The following FOXO1 variants were observed in gnomAD, a reference collection of about 807,000 sequenced individuals.
FOXO1 encodes the protein forkhead box O1.
FOXO1 carries 6 observed loss-of-function variants against 44.1 expected under a neutral mutation model. That is an observed-to-expected ratio of 0.14 (90% CI 0.07 to 0.27). The LOEUF (loss-of-function observed/expected upper bound fraction) is 0.27. Among genes scored for constraint, FOXO1 ranks in the 10% least tolerant of loss-of-function variants. FOXO1 has a pLI of 1.00. For synonymous variants in FOXO1, 380 were observed against 362.7 expected, an observed-to-expected ratio of 1.05 and a Z score of -0.54; for missense variants, 737 against 888.8, an observed-to-expected ratio of 0.83 and a Z score of 2.17.
chr13:40,634,404 T>G (rs1411491943), intron 1 of FOXO1, among the ~76,000 whole-genome samples: 1 of 152,142 alleles, frequency 6.6e-6, no homozygotes, highest in African/African-American at 2.4e-5. Flanking sequence ...CCACATTCAA[T>G]AAACTAAACA....
chr13:40,576,010 G>A (rs988668231), intron 1 of FOXO1, among the ~76,000 whole-genome samples: 2 of 152,184 alleles, frequency 1.3e-5, no homozygotes, highest in African/African-American at 4.8e-5. Context: ...ACCCAGTTAC[G>A]GCCTGAGTGC....
At chr13:40,632,490 T>A (rs1023272577) in intron 1 of FOXO1, among the ~76,000 whole-genome samples, 7 of 151,138 alleles carry the variant, frequency 4.6e-5, no homozygotes, top group Admixed American at 4.6e-4. Context: ...ACACAAAAAT[T>A]AGCCAGGGGT....
intron 1 of FOXO1, among the ~76,000 whole-genome samples, chr13:40,628,424 G>A (rs187463552): frequency 1.9e-4 from 29 of 150,806 alleles, no homozygotes; most frequent in Non-Finnish European, 2.5e-4. Context: ...GGGCACTCTC[G>A]CAACTTGTCT....
chr13:40,631,741 T>C (rs1876968248), intron 1 of FOXO1, among the ~76,000 whole-genome samples: 1 of 152,188 alleles, frequency 6.6e-6, no homozygotes, highest in South Asian at 2.1e-4. Context: ...AGTAGAATGG[T>C]GGCTGTCAAA....
rs534873836 is a variant in FOXO1, at chr13:40,574,525, C to A, written c.631-13665G>T. On this transcript the variant is annotated intron_variant, in intron 1 of 2. Coordinates refer to ENST00000379561, the MANE Select transcript of FOXO1 (RefSeq NM_002015.4). ...TCTATAAACTCATGATATTCTAGAA[C>A]AAAATGCAAGGTTTTTATTAGAAAT... Among the ~76,000 whole-genome samples, 3 of 152,290 alleles carry A rather than the reference C, an allele frequency of 2.0e-5. No homozygotes were observed. The South Asian group carries it at 6.2e-4, about 32-fold the overall frequency.
At chr13:40,610,660 C>T (rs2137890242) in intron 1 of FOXO1, among the ~76,000 whole-genome samples, 1 of 152,240 alleles carries the variant, frequency 6.6e-6, no homozygotes, top group Admixed American at 6.5e-5. Context: ...TCTGCCTTAC[C>T]ATTTTTATTT....
At chr13:40,608,858 A>G (rs1264339270) in intron 1 of FOXO1, among the ~76,000 whole-genome samples, 13 of 152,140 alleles carry the variant, frequency 8.5e-5, no homozygotes. Context: ...ATTTGTCATG[A>G]TCATGGTTAA....
At chr13:40,567,608 T>C (rs1874319824) in intron 1 of FOXO1, among the ~76,000 whole-genome samples, 1 of 152,140 alleles carries the variant, frequency 6.6e-6, no homozygotes, top group African/African-American at 2.4e-5. Flanking sequence ...TGTGTGCACC[T>C]TGAGGGAGCA....
chr13:40,647,618 T>G (rs1210997702), intron 1 of FOXO1, among the ~76,000 whole-genome samples: 1 of 152,174 alleles, frequency 6.6e-6, no homozygotes, highest in Non-Finnish European at 1.5e-5. Context: ...TTGGTCAGGC[T>G]GCACTCCAAC....
At chr13:40,599,822 C>T (rs1875751867) in intron 1 of FOXO1, among the ~76,000 whole-genome samples, 1 of 152,106 alleles carries the variant, frequency 6.6e-6, no homozygotes, top group African/African-American at 2.4e-5. Context: ...AGATTTTATC[C>T]TCAAAGTAGC....
chr13:40,663,752 G>A (rs2137947652), intron 1 of FOXO1, among the ~76,000 whole-genome samples: 1 of 152,324 alleles, frequency 6.6e-6, no homozygotes, highest in East Asian at 1.9e-4. Flanking sequence ...GAAGCGATAA[G>A]TGATACCTTT....
intron 1 of FOXO1, among the ~76,000 whole-genome samples, chr13:40,633,388 G>A (rs1281662266): frequency 6.6e-6 from 1 of 152,120 alleles, no homozygotes; most frequent in Non-Finnish European, 1.5e-5. Flanking sequence ...AAAATCAACT[G>A]ATAAATGGAT....
At chr13:40,574,082 CA>C (rs1874648958) in intron 1 of FOXO1, among the ~76,000 whole-genome samples, 1 of 152,206 alleles carries the variant, frequency 6.6e-6, no homozygotes, top group Non-Finnish European at 1.5e-5. Flanking sequence ...ATCTTGCACA[CA>C]AGTACAAACG....
chr13:40,577,102 G>GT (rs984355178), intron 1 of FOXO1, among the ~76,000 whole-genome samples: 5 of 152,190 alleles, frequency 3.3e-5, no homozygotes, highest in Non-Finnish European at 5.9e-5. Flanking sequence ...GGCCAAGGCT[G>GT]TGGGGTACTG....
intron 1 of FOXO1, among the ~76,000 whole-genome samples, chr13:40,576,472 G>A (rs1215239753): frequency 1.3e-5 from 2 of 152,148 alleles, no homozygotes; most frequent in African/African-American, 4.8e-5. Context: ...ACTGTGAGTG[G>A]GTGTCTGTAT....
chr13:40,585,872 A>G (rs1039335420), intron 1 of FOXO1, among the ~76,000 whole-genome samples: 2 of 152,214 alleles, frequency 1.3e-5, no homozygotes, highest in Non-Finnish European at 2.9e-5. Context: ...GGTCTGTTTG[A>G]TTTAGTACGT....
chr13:40,561,801 T>C (rs1466033252), intron 1 of FOXO1, among the ~76,000 whole-genome samples: 2 of 152,028 alleles, frequency 1.3e-5, no homozygotes, highest in Non-Finnish European at 2.9e-5. Context: ...AAACCCCATC[T>C]CTACTAAAAA....
intron 1 of FOXO1, among the ~76,000 whole-genome samples, chr13:40,593,230 G>T (rs1381473138): frequency 6.6e-6 from 1 of 152,092 alleles, no homozygotes; most frequent in Non-Finnish European, 1.5e-5. Context: ...GTCTCCCTAT[G>T]TTGCCCAGGC....
intron 1 of FOXO1, among the ~76,000 whole-genome samples, chr13:40,599,216 T>TG (rs1875721164): frequency 7.3e-6 from 1 of 137,468 alleles, no homozygotes; most frequent in Non-Finnish European, 1.6e-5. Flanking sequence ...AAAAACACGC[T>TG]GAAAAAAAAA....
Sources: gnomAD v4.1 joint callset for allele counts (sites outside exome capture counted in the v4.1 genomes callset) on GRCh38, gnomAD v4.1.1 for gene constraint, MANE v1.5 for transcripts, NCBI Gene and HGNC (gene_info 2026-07-23, HGNC 2026-07-21) for gene names.